Variants in IPO11 observed in about 807,000 individuals in gnomAD.
IPO11 encodes importin 11.
A neutral mutation model predicts 143.2 loss-of-function variants in IPO11; 66 were observed. The observed-to-expected ratio is 0.46, with a 90% CI of 0.38 to 0.57. The LOEUF is 0.57. Among genes scored for constraint, IPO11 ranks in the 20% least tolerant of loss-of-function variants. The pLI, the probability that IPO11 is intolerant of heterozygous loss-of-function variation, is 0.00. For synonymous variants in IPO11, 385 were observed against 377.8 expected (o/e 1.02, Z -0.22); for missense variants, 1,026 against 1,141.0 (o/e 0.90, Z 1.45).
intron 7 of IPO11, among the ~76,000 whole-genome samples, chr5:62,473,887 A>G (rs1745870239): frequency 6.6e-6 from 1 of 152,200 alleles, no homozygotes; most frequent in South Asian, 2.1e-4. Context: ...TCTGAGGACC[A>G]ATGTGTCATA....
chr5:62,583,068 A>G (rs1032534133), intron 27 of IPO11, among the ~76,000 whole-genome samples: 2 of 152,182 alleles, frequency 1.3e-5, no homozygotes, highest in Non-Finnish European at 2.9e-5. Flanking sequence ...AGAAAATGTG[A>G]ATATATTTAA....
intron 1 of IPO11, among the ~76,000 whole-genome samples, chr5:62,431,367 G>T (rs1212570296): frequency 1.8e-5 from 1 of 55,186 alleles, no homozygotes; most frequent in Non-Finnish European, 3.4e-5. Flanking sequence ...TTGTGCGCTT[G>T]CTTAGAAATT....
rs1338191642 is a variant in IPO11 at position 62,578,814 on chromosome 5, G to A, written c.2583-12763G>A. On this transcript the variant is annotated intron_variant, in intron 27 of 29. Coordinates refer to ENST00000325324, the MANE Select transcript of IPO11 (RefSeq NM_016338.5). ...ACTTAAAAAAAAAAAAAAAAAAGTG[G>A]TGGGGTGGAGGTCAGCAGTGCCACA... The A allele has an allele frequency of 3.5e-5, 15 of 426,600 alleles. 1 individual carries two copies. Among genetic ancestry groups the A allele is most frequent in the South Asian group, 2.1e-4 (12 of 57,360 alleles). 26.4% of individuals were successfully genotyped at this position (426,600 alleles called of 1,614,324 possible).
Position 62,500,951 on chromosome 5 carries a change from G to A in IPO11, c.1591-3716G>A, listed in dbSNP as rs146370825. 9.9e-5 allele frequency among the ~76,000 whole-genome samples: 15 copies of A among 152,024 alleles called. 1 individual carries two copies. Among genetic ancestry groups the A allele is most frequent in the African/African-American group, 2.9e-4 (12 of 41,554 alleles). On this transcript the variant is annotated intron_variant, in intron 16 of 29. Coordinates refer to ENST00000325324, the MANE Select transcript of IPO11 (RefSeq NM_016338.5). ...CTCAGTTATAATCTTATGAGACTAC[G>A]TTTGTAAATGTGATCTGTTGTTGAC...
chr5:62,565,476 A>C (rs1743903274), intron 27 of IPO11, among the ~76,000 whole-genome samples: 1 of 152,136 alleles, frequency 6.6e-6, no homozygotes, highest in South Asian at 2.1e-4. Flanking sequence ...ACAGAGTGAG[A>C]CTCTGTCTCA....
At chr5:62,527,107 A>G (rs1742394693) in intron 21 of IPO11, among the ~76,000 whole-genome samples, 2 of 152,246 alleles carry the variant, frequency 1.3e-5, no homozygotes, top group African/African-American at 4.8e-5. Flanking sequence ...TTAAAACTTT[A>G]CTAGTTAGAT....
intron 1 of IPO11, among the ~76,000 whole-genome samples, chr5:62,415,886 C>A (rs1743278652): frequency 6.6e-6 from 1 of 152,224 alleles, no homozygotes; most frequent in Non-Finnish European, 1.5e-5. Context: ...AGACCTCTAT[C>A]TGTCCATCTC....
chr5:62,485,636 C>T (rs550040176), intron 12 of IPO11, among the ~76,000 whole-genome samples, 174 bp downstream of exon 12: 1 of 151,914 alleles, frequency 6.6e-6, no homozygotes, highest in African/African-American at 2.4e-5. Flanking sequence ...GCCAGAAATT[C>T]AAGACCGGCC....
chr5:62,601,265 G>GA (rs1251716660), intron 28 of IPO11: 3 of 152,292 alleles, frequency 2.0e-5, no homozygotes, highest in African/African-American at 7.2e-5. Context: ...TAACTACCCA[G>GA]AAGGTACAAG....
intron 5 of IPO11, among the ~76,000 whole-genome samples, chr5:62,460,457 G>T (rs957995585): frequency 1.1e-4 from 16 of 152,134 alleles, no homozygotes; most frequent in Non-Finnish European, 2.9e-5. Flanking sequence ...AATATTTTTT[G>T]TCTCAGTATT....
At chr5:62,478,259 G>C (rs1306256262) in intron 9 of IPO11, among the ~76,000 whole-genome samples, 1 of 152,106 alleles carries the variant, frequency 6.6e-6, no homozygotes, top group Non-Finnish European at 1.5e-5. Flanking sequence ...TCTGCCTTGT[G>C]GGCTCAAGTG....
At chr5:62,514,373 C>T (rs1402519584) in intron 19 of IPO11, among the ~76,000 whole-genome samples, 18 of 152,010 alleles carry the variant, frequency 1.2e-4, no homozygotes, top group Non-Finnish European at 2.1e-4. Context: ...GCGGAACACT[C>T]GCGGCTAGGA....
chr5:62,534,349 A>G (rs879855637), intron 22 of IPO11, among the ~76,000 whole-genome samples: 3 of 152,152 alleles, frequency 2.0e-5, no homozygotes, highest in Non-Finnish European at 4.4e-5. Context: ...GTAACTTTCT[A>G]TCAAATTTGG....
intron 1 of IPO11, among the ~76,000 whole-genome samples, chr5:62,435,537 CA>C (rs1028697537): frequency 1.4e-4 from 21 of 152,006 alleles, no homozygotes; most frequent in African/African-American, 5.1e-4. Flanking sequence ...CTGCCGTGAG[CA>C]GTGATCACGT....
intron 1 of IPO11, among the ~76,000 whole-genome samples, 196 bp from the exon 2 acceptor site, chr5:62,437,078 T>A (rs529074701): frequency 6.6e-6 from 1 of 152,270 alleles, no homozygotes; most frequent in South Asian, 2.1e-4. Flanking sequence ...ATAAATTGAT[T>A]TAAGCAAAAA....
At chr5:62,568,143 T>G (rs1744018230) in intron 27 of IPO11, among the ~76,000 whole-genome samples, 1 of 151,224 alleles carries the variant, frequency 6.6e-6, no homozygotes, top group Admixed American at 6.6e-5. Context: ...TTTTTGTATT[T>G]TTTGTAGAGA....
At chr5:62,516,215 T>C (rs937315181) in intron 20 of IPO11, among the ~76,000 whole-genome samples, 3 of 152,218 alleles carry the variant, frequency 2.0e-5, no homozygotes, top group Non-Finnish European at 4.4e-5. Context: ...CTAAAATTAG[T>C]TTAGAAAAAA....
intron 29 of IPO11, among the ~76,000 whole-genome samples, chr5:62,620,043 C>T (rs1746289312): frequency 6.6e-6 from 1 of 151,992 alleles, no homozygotes; most frequent in Non-Finnish European, 1.5e-5. Flanking sequence ...AAGGGATGAT[C>T]CTGTCAACAA....
chr5:62,615,938 T>C (rs1746113848), intron 29 of IPO11, among the ~76,000 whole-genome samples: 1 of 152,160 alleles, frequency 6.6e-6, no homozygotes, highest in South Asian at 2.1e-4. Flanking sequence ...GACTGCAATC[T>C]GGTTATTTAA....
Sources: allele counts gnomAD v4.1 joint callset (sites outside exome capture counted in the v4.1 genomes callset), GRCh38; gene constraint gnomAD v4.1.1; transcripts MANE v1.5; gene names NCBI Gene and HGNC (gene_info 2026-07-23, HGNC 2026-07-21).